The following RFX3 variants were observed in gnomAD, a reference collection of about 807,000 sequenced individuals.
RFX3 encodes the protein transcription factor RFX3.
A neutral mutation model predicts 98.6 loss-of-function variants in RFX3; 14 were observed. That is an observed-to-expected ratio of 0.14 (90% confidence interval 0.09 to 0.22). The LOEUF (loss-of-function observed/expected upper bound fraction) is 0.22, where lower values mean the gene tolerates loss of function less well. RFX3 is among the 10% of genes least tolerant of loss of function. The pLI, the probability that RFX3 is intolerant of heterozygous loss-of-function variation, is 1.00. For synonymous variants in RFX3, 383 were observed against 328.4 expected (o/e 1.17, Z -1.80); for missense variants, 639 against 926.9 (o/e 0.69, Z 4.03).
intron 1 of RFX3, among the ~76,000 whole-genome samples, chr9:3,403,446 A>G (rs142219348): frequency 4.3e-4 from 65 of 152,292 alleles, no homozygotes; most frequent in African/African-American, 1.4e-3. Flanking sequence ...TGAAGGAATG[A>G]TAATAGTGTA....
chr9:3,346,694 C>G lies in RFX3; in HGVS notation c.188G>C (p.Ser63Thr). ...TGCTCCATTGGTATAGACAGTATCG[C>G]TTCCTTCCACATACTGCACCTGAGC... ...YPAQVQYVEG[S>T]DTVYTNGAIR... Residue 63 changes from serine (S) to threonine (T), a missense_variant, in exon 3 of 17, where the codon AGC becomes ACC. Ser to Thr is a moderately conservative substitution (Grantham distance 58, BLOSUM62 1). Around this residue, in one of 9 missense-constraint regions of RFX3, gnomAD observed 210 missense variants for 197.7 expected, o/e 1.06. Transcript: ENST00000617270. The G allele has an allele frequency of 1.2e-6, 2 of 1,612,496 alleles. No homozygotes were observed. Among genetic ancestry groups the G allele is most frequent in the Non-Finnish European group, 1.7e-6 (2 of 1,178,558 alleles).
At chr9:3,327,622 CA>C (rs35437578) in intron 4 of RFX3, among the ~76,000 whole-genome samples, 4 of 148,010 alleles carry the variant, frequency 2.7e-5, no homozygotes, top group South Asian at 2.1e-4. Flanking sequence ...AAACGCAAAA[CA>C]AAAAAAAATC....
At chr9:3,277,567 T>C (rs1825397482) in intron 7 of RFX3, 106 bp from the exon 8 acceptor site, 2 of 921,792 alleles carry the variant, frequency 2.2e-6, no homozygotes, top group African/African-American at 1.7e-5. Context: ...TTCTTTAACG[T>C]CTCATGATAG....
intron 6 of RFX3, among the ~76,000 whole-genome samples, chr9:3,289,482 T>G (rs951879789): frequency 6.6e-6 from 1 of 151,952 alleles, no homozygotes; most frequent in Non-Finnish European, 1.5e-5. Context: ...ACCAAAAAAT[T>G]CCACATACCC....
At chr9:3,426,198 T>C (rs1030271041) in intron 1 of RFX3, among the ~76,000 whole-genome samples, 1 of 152,152 alleles carries the variant, frequency 6.6e-6, no homozygotes, top group African/African-American at 2.4e-5. Flanking sequence ...CATAATTCCA[T>C]CTATGTTTAT....
chr9:3,403,663 T>C (rs1261108769), intron 1 of RFX3, among the ~76,000 whole-genome samples: 3 of 152,324 alleles, frequency 2.0e-5, no homozygotes, highest in African/African-American at 4.8e-5. Flanking sequence ...CTGTAATTTT[T>C]ATCTTAAAGG....
At chr9:3,281,284 A>C (rs903220316) in intron 7 of RFX3, among the ~76,000 whole-genome samples, 13 of 151,778 alleles carry the variant, frequency 8.6e-5, no homozygotes, top group African/African-American at 3.1e-4. Context: ...TTCATAAAAT[A>C]ATCACCATAA....
chr9:3,315,988 C>A (rs1830537892), intron 4 of RFX3, among the ~76,000 whole-genome samples: 4 of 152,054 alleles, frequency 2.6e-5, no homozygotes, highest in Admixed American at 2.0e-4. Context: ...CTATTCCAAT[C>A]AATAGAAAAA....
chr9:3,500,085 A>G (rs1240954107), intron 1 of RFX3, among the ~76,000 whole-genome samples: 2 of 152,182 alleles, frequency 1.3e-5, no homozygotes, highest in East Asian at 3.8e-4. Context: ...AGTACCCCAG[A>G]GCAACAAACA....
At chr9:3,292,058 T>G (rs1827430960) in intron 6 of RFX3, among the ~76,000 whole-genome samples, 1 of 31,740 alleles carries the variant, frequency 3.2e-5, no homozygotes, top group African/African-American at 1.5e-4. Context: ...TGAGACTCCA[T>G]CTCAAAAAAA....
At chr9:3,473,503 CTACATAGAATAA>C (rs1005280878) in intron 1 of RFX3, among the ~76,000 whole-genome samples, 4 of 152,126 alleles carry the variant, frequency 2.6e-5, no homozygotes, top group Non-Finnish European at 5.9e-5. Flanking sequence ...ATATATAAGC[CTACATAGAATAA>C]TACACATGAG....
intron 5 of RFX3, among the ~76,000 whole-genome samples, chr9:3,295,211 G>C (rs1827847889): frequency 1.3e-5 from 2 of 151,484 alleles, no homozygotes; most frequent in South Asian, 4.2e-4. Flanking sequence ...TGTCTCTTTA[G>C]TGTTTTTTTT....
At position 3,505,273 on chromosome 9, in the gene RFX3, TGAA is replaced by T. The variant is rs1380259434; in HGVS notation, c.-9+20471_-9+20473del. Among the ~76,000 whole-genome samples, 368 of 75,258 alleles carry T rather than the reference TGAA, an allele frequency of 4.9e-3. 58 individuals are homozygous for T. In the East Asian group the frequency reaches 0.056, roughly 11 times the overall value. 49.4% of individuals were successfully genotyped at this position (75,258 alleles called of 152,430 possible). A position where few individuals can be genotyped will look rare whatever the true frequency, so the allele number is the denominator to read the frequency against. ...ATATGAATATATATTTATATATATA[TGAA>T]TATATACATTTTTATATTTATATAT... On this transcript the variant is annotated intron_variant, in intron 1 of 16. Coordinates refer to ENST00000617270, the MANE Select transcript of RFX3 (RefSeq NM_001282116.2).
chr9:3,334,845 C>T (rs569001558), intron 3 of RFX3, among the ~76,000 whole-genome samples: 11 of 152,192 alleles, frequency 7.2e-5, no homozygotes, highest in South Asian at 2.1e-4. Context: ...CTGGGCCAGG[C>T]GCGGTGGTTC....
chr9:3,409,546 G>C (rs748718825), intron 1 of RFX3, among the ~76,000 whole-genome samples: 12 of 152,154 alleles, frequency 7.9e-5, no homozygotes, highest in Non-Finnish European at 1.5e-4. Flanking sequence ...AGCATCATTT[G>C]TGATAAACTT....
Position 3,513,678 on chromosome 9 carries a change from C to T in RFX3, c.-9+12069G>A, listed in dbSNP as rs192812256. On this transcript the variant is annotated intron_variant, in intron 1 of 16. Coordinates refer to ENST00000617270, the MANE Select transcript of RFX3 (RefSeq NM_001282116.2). ...CTGGAAGTGAGTGTTGCATCAGGATCGCTACAATTACCTCCTCTCACAAAT... is the reference window on the plus strand; with the variant it reads ...CTGGAAGTGAGTGTTGCATCAGGATTGCTACAATTACCTCCTCTCACAAAT... Among the ~76,000 whole-genome samples the T allele has an allele frequency of 4.0e-4, 61 of 152,240 alleles. 1 individual carries two copies. The highest frequency in any genetic ancestry group is 1.4e-3 in the African/African-American group (58 of 41,550).
intron 1 of RFX3, among the ~76,000 whole-genome samples, chr9:3,468,815 GAAAAA>G (rs34057815): frequency 1.8e-4 from 15 of 84,274 alleles, no homozygotes; most frequent in Admixed American, 9.7e-4. Flanking sequence ...TTTTCCTTTT[GAAAAA>G]AAAAAAAAAA....
rs1183003061 is a variant in RFX3 at position 3,504,933 on chromosome 9, A to G, written c.-9+20814T>C. Among the ~76,000 whole-genome samples the G allele has an allele frequency of 4.1e-4, 26 of 63,924 alleles. 2 individuals carry two copies. In the East Asian group the frequency reaches 0.015, roughly 36 times the overall value. The allele number at this position is 63,924 out of a possible 152,430, so 41.9% of individuals were successfully genotyped here. A position where few individuals can be genotyped will look rare whatever the true frequency, so the allele number is the denominator to read the frequency against. ...ATATATAATATAACATATATTATAT[A>G]TAATATATATAATATAATATATATT... On this transcript the variant is annotated intron_variant, in intron 1 of 16. Transcript: ENST00000617270.
intron 2 of RFX3, among the ~76,000 whole-genome samples, chr9:3,355,061 A>G (rs1458666804): frequency 6.6e-6 from 1 of 151,886 alleles, no homozygotes; most frequent in Admixed American, 6.6e-5. Flanking sequence ...TGATAAATAC[A>G]TATTTTTTAA....
Sources: allele counts gnomAD v4.1 joint callset (sites outside exome capture counted in the v4.1 genomes callset), GRCh38; gene constraint gnomAD v4.1.1; regional missense constraint gnomAD v4.1.1; transcripts MANE v1.5; gene names NCBI Gene and HGNC (gene_info 2026-07-23, HGNC 2026-07-21).